Variants in RNF166 observed in about 807,000 individuals in gnomAD.
RNF166 encodes the protein E3 ubiquitin-protein ligase RNF166.
Under a neutral mutation model 29.4 loss-of-function variants are expected in RNF166, and 19 were observed. The ratio of observed to expected loss-of-function variants is 0.65; its 90% CI spans 0.45 to 0.95. The LOEUF (loss-of-function observed/expected upper bound fraction) is 0.95. Among genes scored for constraint, RNF166 ranks in the 40% least tolerant of loss-of-function variants. The probability of loss-of-function intolerance (pLI) is 0.00; values close to 1 mark genes in which losing one functional copy is unlikely to be tolerated. For synonymous variants in RNF166, 171 were observed against 134.5 expected, an observed-to-expected ratio of 1.27 and a Z score of -1.88; for missense variants, 347 against 322.1, an observed-to-expected ratio of 1.08 and a Z score of -0.59.
intron 5 of RNF166, chr16:88,698,132 G>C (rs554621227): frequency 1.7e-6 from 1 of 591,788 alleles, no homozygotes; most frequent in African/African-American, 1.9e-5. Context: ...CGCGGCGGGT[G>C]GGAAAAGGAG....
At chr16:88,704,559 G>A (rs571532340) in intron 1 of RNF166, 29 of 985,406 alleles carry the variant, frequency 2.9e-5, no homozygotes, top group African/African-American at 8.7e-5. Flanking sequence ...TGCTGTGGCC[G>A]ACCACACGGT....
chr16:88,697,450 G>A lies in RNF166; in HGVS notation c.*118C>T. 1.4e-6 allele frequency: 1 copy of A among 736,456 alleles called. No individual in the cohort carries two copies. The allele number at this position is 736,456 out of a possible 1,614,324, so 45.6% of individuals were successfully genotyped here. The stretch of plus-strand genomic sequence containing the variant: ...CGGCCCCGGCTCCCCTTCTGCGCGG[G>A]TGCAGGCTCCTCCTGTGAGCTCAGT... On this transcript the variant is annotated 3_prime_UTR_variant, in exon 6 of 6. Coordinates refer to ENST00000312838, the MANE Select transcript of RNF166 (RefSeq NM_178841.4).
At chr16:88,699,205 A>T in intron 3 of RNF166, 120 bp from the exon 4 acceptor site, 1 of 761,034 alleles carries the variant, frequency 1.3e-6, no homozygotes, top group South Asian at 1.6e-5. Context: ...AGAGCGTGGC[A>T]GTGGCTGGGT....
In RNF166 at chr16:88,699,081, T is replaced by A; in HGVS notation, c.430A>T (p.Ile144Phe). The A allele has an allele frequency of 6.2e-7, 1 of 1,604,968 alleles. No individual in the cohort carries two copies. Reference protein sequence around the residue: ...VPTSQPIPSNIPNRSTFACPY... With the variant: ...VPTSQPIPSNFPNRSTFACPY... ...CAGGCGAAGGTGGACCTGTTGGGGA[T>A]GTTGCTGGCGGGGCGGGGGTAGAGT... Residue 144 changes from isoleucine to phenylalanine, a missense_variant, in exon 4 of 6, where the codon ATC becomes TTC. Coordinates refer to ENST00000312838, the MANE Select transcript of RNF166 (RefSeq NM_178841.4).
Position 88,699,625 on chromosome 16 carries a change from G to A in RNF166, c.420C>T (p.Ile140=), listed in dbSNP as rs138433399. 3.1e-6 allele frequency: 5 copies of A among 1,611,864 alleles called. No individual in the cohort carries two copies. In the African/African-American group the frequency reaches 6.7e-5, roughly 22 times the overall value. ...TTGCCCGGCAGCGTGCCTACCTGGGGATAGGCTGTGATGTGGGCACCACGG... is the reference window on the plus strand; with the variant it reads ...TTGCCCGGCAGCGTGCCTACCTGGGAATAGGCTGTGATGTGGGCACCACGG... ...FVPVVPTSQP[I]PSNIPNRSTF... Residue 140 remains isoleucine (I), a synonymous_variant, in exon 3 of 6, where the codon ATC becomes ATT. Coordinates refer to ENST00000312838, the MANE Select transcript of RNF166 (RefSeq NM_178841.4).
At chr16:88,704,425 T>C (rs1910561588) in intron 1 of RNF166, 1 of 985,248 alleles carries the variant, frequency 1.0e-6, no homozygotes, top group Non-Finnish European at 1.2e-6. Flanking sequence ...GGGAGTTTTA[T>C]AGGAAAGATG....
chr16:88,704,403 A>C (rs1370637633), intron 1 of RNF166: 22 of 985,356 alleles, frequency 2.2e-5, no homozygotes, highest in Non-Finnish European at 2.7e-5. Context: ...TACCAAGAAA[A>C]GCATGGCAGA....
At chr16:88,700,838 C>T in intron 2 of RNF166, 1 of 1,057,490 alleles carries the variant, frequency 9.5e-7, no homozygotes, top group Non-Finnish European at 1.1e-6. Context: ...GCCCTCCTGG[C>T]AGCTGGAGGG....
At chr16:88,701,733 C>T (rs956214514) in intron 1 of RNF166, 13 of 318,518 alleles carry the variant, frequency 4.1e-5, no homozygotes, top group Non-Finnish European at 5.8e-5. Context: ...GGCCCCAGCT[C>T]GGGCTACCAG....
At position 88,706,286 on chromosome 16, in the gene RNF166, G is replaced by A. The variant is rs1910795906; in HGVS notation, c.40C>T (p.Arg14Trp). 4.7e-6 allele frequency: 6 copies of A among 1,287,808 alleles called. No individual in the cohort carries two copies. The African/African-American group carries it at 4.7e-5, about 10-fold the overall frequency. The allele number at this position is 1,287,808 out of a possible 1,614,324, so 79.8% of individuals were successfully genotyped here. A position where few individuals can be genotyped will look rare whatever the true frequency, so the allele number is the denominator to read the frequency against. The change falls in exon 1 of 6, where the codon CGG becomes TGG. Residue 14 changes from arginine to tryptophan, a missense_variant. Transcript: ENST00000312838. ...CCCGCCGGCCCGGCCGGCGGCTGCC[G>A]CTGCTGAGCCGAGGCCACCAGGCTG... ...FRSLVASAQQ[R>W]QPPAGPAGGD...
chr16:88,703,119 G>A (rs774396921), intron 1 of RNF166: 61 of 985,540 alleles, frequency 6.2e-5, no homozygotes, highest in Non-Finnish European at 7.1e-5. Flanking sequence ...CACCCGTGTC[G>A]TGGGGGTCCA....
At position 88,701,438 on chromosome 16, in the gene RNF166, G is replaced by C. The variant is rs752814456; in HGVS notation, c.156-20C>G. 1 of 1,539,028 alleles carries C rather than the reference G, an allele frequency of 6.5e-7. No individual in the cohort carries two copies. Among genetic ancestry groups the C allele is most frequent in the African/African-American group, 1.4e-5 (1 of 73,142 alleles). On this transcript the variant is annotated intron_variant, in intron 1 of 5. Transcript: ENST00000312838. Reference sequence around the variant, plus strand: ...CAGAACCTGCAGGGCACAGGGGCCTGAGTGCCAGCCCGCCCCTCGGGTCTC... The same window carrying C: ...CAGAACCTGCAGGGCACAGGGGCCTCAGTGCCAGCCCGCCCCTCGGGTCTC...
chr16:88,705,056 C>T (rs927829771), intron 1 of RNF166, among the ~76,000 whole-genome samples: 1 of 152,222 alleles, frequency 6.6e-6, no homozygotes, highest in African/African-American at 2.4e-5. Flanking sequence ...GATGGAGGAG[C>T]AGGGGCAGAG....
chr16:88,698,821 T>G lies in RNF166; in HGVS notation c.540+150A>C, dbSNP rs1392909123. On this transcript the variant is annotated intron_variant, in intron 4 of 5. Coordinates refer to ENST00000312838, the MANE Select transcript of RNF166 (RefSeq NM_178841.4). ...ACACTCCCCGGTTTCCGCCAGGTGCTGCTCGGGCAGCCAAGTTCCCACCCT... is the reference window on the plus strand; with the variant it reads ...ACACTCCCCGGTTTCCGCCAGGTGCGGCTCGGGCAGCCAAGTTCCCACCCT... 15 of 701,794 alleles carry G rather than the reference T, an allele frequency of 2.1e-5. No individual in the cohort carries two copies. In the Admixed American group the frequency reaches 3.2e-4, roughly 15 times the overall value. The allele number at this position is 701,794 out of a possible 1,614,324, so 43.5% of individuals were successfully genotyped here.
Position 88,705,890 on chromosome 16 carries a change from C to T in RNF166, c.155+281G>A, listed in dbSNP as rs116026784. Reference sequence around the variant, plus strand: ...AGCGCCCGCCGCAGCCGCCGGGGACCCCGAGCTTGGGCAGGGCCGCAGGTC... The same window carrying T: ...AGCGCCCGCCGCAGCCGCCGGGGACTCCGAGCTTGGGCAGGGCCGCAGGTC... On this transcript the variant is annotated intron_variant, in intron 1 of 5. Coordinates refer to ENST00000312838, the MANE Select transcript of RNF166 (RefSeq NM_178841.4). Among the ~76,000 whole-genome samples the T allele has an allele frequency of 9.4e-3, 1,438 of 152,254 alleles. 26 individuals are homozygous for T. The highest frequency in any genetic ancestry group is 0.033 in the African/African-American group (1,354 of 41,572).
intron 1 of RNF166, chr16:88,703,412 G>A: frequency 3.0e-6 from 3 of 985,508 alleles, no homozygotes; most frequent in Non-Finnish European, 3.6e-6. Flanking sequence ...GAGAGGAAAG[G>A]TGCCCAGAAG....
chr16:88,701,183 C>T (rs1194425404), intron 2 of RNF166, 79 bp downstream of exon 2: 3 of 1,560,678 alleles, frequency 1.9e-6, no homozygotes, highest in Non-Finnish European at 2.6e-6. Context: ...GGCCCCGGCC[C>T]CCACCCTCTG....
At position 88,697,280 on chromosome 16, in the gene RNF166, G is replaced by A. The variant is rs545451069; in HGVS notation, c.*288C>T. On this transcript the variant is annotated 3_prime_UTR_variant, in exon 6 of 6. Transcript: ENST00000312838. Reference sequence around the variant, plus strand: ...GGTATCATGGCTTTGAAGAGACGGCGGCAGCTCCAGGTCCCAGCGTCCAGC... The same window carrying A: ...GGTATCATGGCTTTGAAGAGACGGCAGCAGCTCCAGGTCCCAGCGTCCAGC... The A allele has an allele frequency of 6.7e-5, 20 of 300,484 alleles. No homozygotes were observed. The highest frequency in any genetic ancestry group is 4.2e-4 in the East Asian group (7 of 16,618). The allele number at this position is 300,484 out of a possible 1,614,324, so 18.6% of individuals were successfully genotyped here.
chr16:88,699,579 G>T, intron 3 of RNF166, 41 bp downstream of exon 3: 1 of 1,507,030 alleles, frequency 6.6e-7, no homozygotes, highest in Non-Finnish European at 9.1e-7. Flanking sequence ...CGAGGAAACC[G>T]CCGAGGACAG....
Sources: gnomAD v4.1 joint callset for allele counts (sites outside exome capture counted in the v4.1 genomes callset) on GRCh38, gnomAD v4.1.1 for gene constraint, MANE v1.5 for transcripts, NCBI Gene and HGNC (gene_info 2026-07-23, HGNC 2026-07-21) for gene names.